NDST4: variants seen among roughly 807,000 people sequenced by gnomAD.
The protein encoded by NDST4 is N-heparan sulfate sulfotransferase 4.
NDST4 carries 63 observed loss-of-function variants against 100.8 expected under a neutral mutation model. The observed-to-expected ratio is 0.62, with a 90% CI of 0.51 to 0.77. The LOEUF is 0.77. NDST4 is among the 30% of genes least tolerant of loss of function. NDST4 has a pLI of 0.00. For missense variants in NDST4, 943 were observed against 1,018.4 expected (o/e 0.93, Z 1.01); for synonymous variants, 377 against 361.8 (o/e 1.04, Z -0.48).
intron 10 of NDST4, among the ~76,000 whole-genome samples, chr4:114,843,605 G>T (rs564527112): frequency 4.1e-4 from 63 of 152,002 alleles, no homozygotes; most frequent in African/African-American, 1.4e-3. Flanking sequence ...CTTGCTAAGG[G>T]CTCCACTTCC....
At chr4:114,954,195 T>G (rs1726085074) in intron 4 of NDST4, among the ~76,000 whole-genome samples, 1 of 152,188 alleles carries the variant, frequency 6.6e-6, no homozygotes, top group South Asian at 2.1e-4. Flanking sequence ...AAACTTAATT[T>G]TTTTGCCTAT....
intron 2 of NDST4, among the ~76,000 whole-genome samples, chr4:115,051,391 C>A (rs929560351): frequency 6.6e-6 from 1 of 151,926 alleles, no homozygotes; most frequent in South Asian, 2.1e-4. Context: ...CATTTACGTT[C>A]TTTTCTTTCC....
At chr4:114,954,360 T>A (rs773269623) in intron 4 of NDST4, among the ~76,000 whole-genome samples, 5 of 152,092 alleles carry the variant, frequency 3.3e-5, no homozygotes, top group Non-Finnish European at 7.4e-5. Flanking sequence ...TTATTAGTAA[T>A]CCTAGATGCA....
At chr4:115,088,355 C>G (rs1014168185) in intron 1 of NDST4, among the ~76,000 whole-genome samples, 1 of 148,830 alleles carries the variant, frequency 6.7e-6, no homozygotes, top group Non-Finnish European at 1.5e-5. Flanking sequence ...TTTTCTAGAA[C>G]TTCAGCCTCT....
At chr4:115,091,117 A>G (rs1453913352) in intron 1 of NDST4, among the ~76,000 whole-genome samples, 1 of 152,136 alleles carries the variant, frequency 6.6e-6, no homozygotes, top group Non-Finnish European at 1.5e-5. Flanking sequence ...AGAGAGGTAC[A>G]ATATCTACAA....
At chr4:115,019,749 G>A (rs1380367319) in intron 2 of NDST4, among the ~76,000 whole-genome samples, 1 of 152,106 alleles carries the variant, frequency 6.6e-6, no homozygotes, top group African/African-American at 2.4e-5. Context: ...CAGGGCATAA[G>A]GGCTCTGCCC....
intron 5 of NDST4, among the ~76,000 whole-genome samples, chr4:114,936,618 C>G (rs754378227): frequency 2.6e-5 from 4 of 152,084 alleles, no homozygotes; most frequent in Admixed American, 6.6e-5. Context: ...TTAAAATAGG[C>G]TATTTTATCT....
chr4:114,980,080 A>C (rs1726733161), intron 2 of NDST4, among the ~76,000 whole-genome samples: 1 of 152,296 alleles, frequency 6.6e-6, no homozygotes, highest in South Asian at 2.1e-4. Flanking sequence ...AGAAAGATGA[A>C]AGAATTCCAA....
chr4:114,972,207 A>G (rs1259404564), intron 3 of NDST4, among the ~76,000 whole-genome samples: 2 of 152,028 alleles, frequency 1.3e-5, no homozygotes, highest in Admixed American at 1.3e-4. Context: ...TGAATAATTT[A>G]ATTTAGTCTA....
chr4:115,025,553 T>C (rs1342072195), intron 2 of NDST4, among the ~76,000 whole-genome samples: 1 of 152,130 alleles, frequency 6.6e-6, no homozygotes, highest in Admixed American at 6.5e-5. Flanking sequence ...AATTTATTAG[T>C]AGGTTTCTAA....
intron 1 of NDST4, among the ~76,000 whole-genome samples, chr4:115,080,052 C>T (rs1729269698): frequency 6.6e-6 from 1 of 152,164 alleles, no homozygotes; most frequent in African/African-American, 2.4e-5. Context: ...GCAGTCTCCC[C>T]AGTGACTTCA....
intron 2 of NDST4, among the ~76,000 whole-genome samples, chr4:114,978,107 T>C (rs928426207): frequency 3.9e-5 from 6 of 152,040 alleles, no homozygotes; most frequent in African/African-American, 1.4e-4. Flanking sequence ...CTTACTGGTA[T>C]GCATATTGAT....
chr4:114,842,285 A>G (rs1221376741), intron 10 of NDST4, among the ~76,000 whole-genome samples: 1 of 151,856 alleles, frequency 6.6e-6, no homozygotes, highest in Admixed American at 6.6e-5. Flanking sequence ...TTTTCATCAG[A>G]TTAACTCATT....
intron 2 of NDST4, among the ~76,000 whole-genome samples, chr4:115,032,518 T>C (rs1325632128): frequency 6.6e-6 from 1 of 152,108 alleles, no homozygotes; most frequent in Non-Finnish European, 1.5e-5. Context: ...AAAGAAGAGA[T>C]AATAATGCCT....
At chr4:114,896,069 T>A (rs1724707360) in intron 6 of NDST4, among the ~76,000 whole-genome samples, 1 of 152,192 alleles carries the variant, frequency 6.6e-6, no homozygotes, top group Non-Finnish European at 1.5e-5. Flanking sequence ...TTAAGTAATA[T>A]CAAAATTCTC....
chr4:114,848,246 T>G lies in NDST4; in HGVS notation c.1909A>C (p.Asn637His), dbSNP rs1004414705. Residue 637 changes from asparagine (N) to histidine (H), a missense_variant, in exon 9 of 14, where the codon AAT becomes CAT. This residue lies in a region of NDST4 where 526 missense variants were observed against 634.1 expected (regional missense o/e 0.83). Coordinates refer to ENST00000264363, the MANE Select transcript of NDST4 (RefSeq NM_022569.3). ...ATTCCTTTGTGATAGTTGTTGCCAT[T>G]AAAGAACTGAACTTCCTCAAATGTC... The part of the protein sequence containing the change: ...PKTFEEVQFF[N>H]GNNYHKGIDW... The G allele has an allele frequency of 6.2e-7, 1 of 1,610,162 alleles. No individual in the cohort carries two copies. Among genetic ancestry groups the G allele is most frequent in the Admixed American group, 1.7e-5 (1 of 58,974 alleles).
chr4:114,912,551 G>A (rs1015143259), intron 6 of NDST4, among the ~76,000 whole-genome samples: 3 of 152,120 alleles, frequency 2.0e-5, no homozygotes, highest in African/African-American at 7.2e-5. Context: ...CAAGCATAAA[G>A]CATGAAAAGC....
intron 2 of NDST4, among the ~76,000 whole-genome samples, chr4:114,984,142 CTATTTATTTATTTATT>C (rs148008819): frequency 2.3e-4 from 34 of 145,960 alleles, no homozygotes; most frequent in South Asian, 9.0e-4. Context: ...CAAACTAATA[CTATTTATTTATTTATT>C]TATTTATTTA....
At chr4:114,849,520 G>A (rs1316630931) in intron 8 of NDST4, among the ~76,000 whole-genome samples, 3 of 152,172 alleles carry the variant, frequency 2.0e-5, no homozygotes, top group African/African-American at 4.8e-5. Flanking sequence ...TGCACTTTGA[G>A]TATTAATGAG....
Sources: gnomAD v4.1 joint callset for allele counts (sites outside exome capture counted in the v4.1 genomes callset) on GRCh38, gnomAD v4.1.1 for gene constraint, gnomAD v4.1.1 regional missense constraint, MANE v1.5 for transcripts, NCBI Gene and HGNC (gene_info 2026-07-23, HGNC 2026-07-21) for gene names.